CAST: variants seen among roughly 807,000 people sequenced by gnomAD.
The protein encoded by CAST is calpastatin, also known as MIR583 host.
A neutral mutation model predicts 119.6 loss-of-function variants in CAST; 76 were observed. The observed-to-expected ratio is 0.64, with a 90% CI of 0.53 to 0.77. The LOEUF (loss-of-function observed/expected upper bound fraction) is 0.77, where lower values mean the gene tolerates loss of function less well. Ranked by LOEUF, CAST falls within the 30% of genes least tolerant of loss-of-function variation. The pLI is 0.00. For missense variants in CAST, 953 were observed against 946.5 expected, an observed-to-expected ratio of 1.01 and a Z score of -0.09; for synonymous variants, 319 against 331.6, an observed-to-expected ratio of 0.96 and a Z score of 0.41.
the CAST span, among the ~76,000 whole-genome samples, chr5:95,996,749 G>T: frequency 1.3e-5 from 2 of 152,088 alleles, no homozygotes; most frequent in African/African-American, 4.8e-5. Flanking sequence ...TGATTCATTT[G>T]AGATAGAGTG....
the CAST span, among the ~76,000 whole-genome samples, chr5:96,169,478 T>C: frequency 4.2e-3 from 634 of 152,244 alleles, 4 homozygotes; most frequent in African/African-American, 0.015. Flanking sequence ...GTTGATAAGG[T>C]GCAGATCCTG....
chr5:96,504,820 G>C, the CAST span, among the ~76,000 whole-genome samples: 8 of 152,268 alleles, frequency 5.3e-5, no homozygotes, highest in South Asian at 1.7e-3. Context: ...TGTGCTTTCT[G>C]TATCTGTTGT....
At chr5:96,559,836 C>T (rs1580824601) in intron 1 of CAST, among the ~76,000 whole-genome samples, 1 of 152,214 alleles carries the variant, frequency 6.6e-6, no homozygotes, top group African/African-American at 2.4e-5. Context: ...ACTTTCTTCA[C>T]AGAATTGGAA....
the CAST span, among the ~76,000 whole-genome samples, chr5:96,329,819 C>G: frequency 3.9e-5 from 6 of 152,212 alleles, no homozygotes; most frequent in Non-Finnish European, 8.8e-5. Flanking sequence ...TCAGATTAAT[C>G]TCAAGAAACT....
chr5:96,743,647 G>C, intron 16 of CAST: 2 of 1,613,060 alleles, frequency 1.2e-6, no homozygotes, highest in Non-Finnish European at 1.7e-6. Context: ...TTCTATCTTC[G>C]ACTTTCTTGG....
At chr5:96,767,881 G>T in intron 28 of CAST, 26 bp from the exon 29 acceptor site, 1 of 1,496,710 alleles carries the variant, frequency 6.7e-7, no homozygotes. Flanking sequence ...CTTCTTCACT[G>T]ATGGTTATTT....
At chr5:96,425,321 G>A in the CAST span, among the ~76,000 whole-genome samples, 2 of 152,324 alleles carry the variant, frequency 1.3e-5, no homozygotes, top group East Asian at 1.9e-4. Flanking sequence ...AAGGTAGAAT[G>A]GTTTGCAAGT....
chr5:96,369,757 CCCT>C, the CAST span, among the ~76,000 whole-genome samples: 1 of 152,118 alleles, frequency 6.6e-6, no homozygotes, highest in African/African-American at 2.4e-5. Flanking sequence ...GCCACTCCTC[CCCT>C]CAAGTGACTC....
At chr5:96,299,761 T>C in the CAST span, among the ~76,000 whole-genome samples, 2 of 152,220 alleles carry the variant, frequency 1.3e-5, no homozygotes, top group African/African-American at 2.4e-5. Flanking sequence ...TGAATTTTAT[T>C]TTCTATTGTA....
the CAST span, among the ~76,000 whole-genome samples, chr5:96,151,259 T>G: frequency 2.0e-5 from 3 of 152,220 alleles, no homozygotes; most frequent in Non-Finnish European, 4.4e-5. Flanking sequence ...AGAGGATCAA[T>G]TGCTTTCTGT....
the CAST span, among the ~76,000 whole-genome samples, chr5:96,298,700 G>T: frequency 2.2e-4 from 34 of 152,216 alleles, no homozygotes; most frequent in South Asian, 2.7e-3. Flanking sequence ...CTAACTATGG[G>T]TTAAGAAACT....
rs979073860 is a variant in CAST, at chr5:96,702,518, T to G, written c.210+6611T>G. ...CAAAAGAGGTCTTCGGGGGAGCATA[T>G]TTGCGAAGTGCACCCACCGTCGTTG... On this transcript the variant is annotated intron_variant, in intron 3 of 31. Coordinates refer to ENST00000675179, the MANE Select transcript of CAST (RefSeq NM_001750.7). Among the ~76,000 whole-genome samples the G allele has an allele frequency of 3.2e-4, 48 of 152,244 alleles. 1 individual carries two copies. Among genetic ancestry groups the G allele is most frequent in the Admixed American group, 6.5e-5 (1 of 15,280 alleles).
chr5:96,454,967 C>T, the CAST span, among the ~76,000 whole-genome samples: 1 of 152,194 alleles, frequency 6.6e-6, no homozygotes. Context: ...CTATTTATGA[C>T]AATTGATGCT....
At chr5:96,513,989 T>C in the CAST span, among the ~76,000 whole-genome samples, 1 of 152,194 alleles carries the variant, frequency 6.6e-6, no homozygotes, top group African/African-American at 2.4e-5. Context: ...GTGCCTTGGC[T>C]GTCACAGAAT....
chr5:96,424,033 G>C, the CAST span, among the ~76,000 whole-genome samples: 1 of 152,172 alleles, frequency 6.6e-6, no homozygotes, highest in Non-Finnish European at 1.5e-5. Context: ...AGGAGATTCA[G>C]GGTTTTCCTT....
the CAST span, among the ~76,000 whole-genome samples, chr5:95,991,133 CACA>C: frequency 2.0e-5 from 3 of 152,136 alleles, no homozygotes; most frequent in East Asian, 3.8e-4. Flanking sequence ...CCCACTTTGC[CACA>C]ACAAGGACAT....
At chr5:96,625,240 A>T (rs1747698396) in intron 1 of CAST, among the ~76,000 whole-genome samples, 1 of 152,010 alleles carries the variant, frequency 6.6e-6, no homozygotes, top group African/African-American at 2.4e-5. Flanking sequence ...GACAATAATG[A>T]TGTTTCTTGT....
chr5:96,231,325 A>C, the CAST span, among the ~76,000 whole-genome samples: 1 of 152,186 alleles, frequency 6.6e-6, no homozygotes, highest in African/African-American at 2.4e-5. Context: ...GTGCTGATAT[A>C]TGCTACAACA....
At chr5:96,287,837 T>G in the CAST span, among the ~76,000 whole-genome samples, 1 of 152,064 alleles carries the variant, frequency 6.6e-6, no homozygotes, top group Non-Finnish European at 1.5e-5. Flanking sequence ...AGAGCAAGAC[T>G]CTGTCTCAAA....
Sources: gnomAD v4.1 joint callset for allele counts (sites outside exome capture counted in the v4.1 genomes callset) on GRCh38, gnomAD v4.1.1 for gene constraint, MANE v1.5 for transcripts, NCBI Gene and HGNC (gene_info 2026-07-23, HGNC 2026-07-21) for gene names.